Variants in AK8 observed in about 807,000 individuals in gnomAD.
The protein encoded by AK8 is adenylate kinase 8.
A neutral mutation model predicts 54.6 loss-of-function variants in AK8; 44 were observed. The ratio of observed to expected loss-of-function variants is 0.81; its 90% confidence interval spans 0.63 to 1.04. The LOEUF is 1.04. Ranked by LOEUF, AK8 falls within the 50% of genes least tolerant of loss-of-function variation. The pLI is 0.00. For missense variants in AK8, 555 were observed against 613.6 expected (o/e 0.90, Z 1.01); for synonymous variants, 239 against 245.6 (o/e 0.97, Z 0.25).
intron 10 of AK8, among the ~76,000 whole-genome samples, chr9:132,801,783 T>C (rs549361044): frequency 6.6e-6 from 1 of 152,358 alleles, no homozygotes; most frequent in South Asian, 2.1e-4. Context: ...AATACAAATA[T>C]TAATTCATGT....
intron 5 of AK8, among the ~76,000 whole-genome samples, chr9:132,831,262 T>C (rs941398964): frequency 6.6e-6 from 1 of 152,324 alleles, no homozygotes; most frequent in African/African-American, 2.4e-5. Context: ...AAATAGAAAT[T>C]CCACTGGGAT....
intron 10 of AK8, among the ~76,000 whole-genome samples, chr9:132,796,847 A>G (rs1321586955): frequency 6.6e-6 from 1 of 150,444 alleles, no homozygotes; most frequent in Non-Finnish European, 1.5e-5. Flanking sequence ...CCGCCACTTC[A>G]CGCTCCATGA....
At chr9:132,814,785 G>GA in intron 9 of AK8, 58 bp from the exon 10 acceptor site, 1 of 1,434,240 alleles carries the variant, frequency 7.0e-7, no homozygotes, top group African/African-American at 1.5e-5. Flanking sequence ...GGAAGGATGA[G>GA]AAAAAAAGAA....
intron 11 of AK8, among the ~76,000 whole-genome samples, chr9:132,739,533 T>C (rs1475813203): frequency 6.6e-6 from 1 of 151,122 alleles, no homozygotes; most frequent in Non-Finnish European, 1.5e-5. Flanking sequence ...TAAAAAACTT[T>C]TTACAACATA....
At chr9:132,855,366 T>C (rs533236814) in intron 4 of AK8, among the ~76,000 whole-genome samples, 120 of 152,186 alleles carry the variant, frequency 7.9e-4, no homozygotes, top group African/African-American at 2.9e-3. Context: ...CCCCAGGAAG[T>C]TGTAAAGCTC....
chr9:132,759,480 C>T (rs985129452), intron 11 of AK8, among the ~76,000 whole-genome samples: 16 of 152,092 alleles, frequency 1.1e-4, no homozygotes, highest in Admixed American at 6.6e-4. Context: ...TTGTTGTTTA[C>T]GCTCTTTGGG....
chr9:132,846,411 G>C (rs1158070708), intron 5 of AK8, among the ~76,000 whole-genome samples: 2 of 152,192 alleles, frequency 1.3e-5, no homozygotes, highest in Admixed American at 6.5e-5. Context: ...TCCATGACTA[G>C]AACTTCTGTT....
At chr9:132,777,872 C>A (rs1839291603) in intron 11 of AK8, among the ~76,000 whole-genome samples, 1 of 152,228 alleles carries the variant, frequency 6.6e-6, no homozygotes, top group East Asian at 1.9e-4. Flanking sequence ...CCAACACACG[C>A]CCCACTTTCT....
chr9:132,870,104 A>G (rs1380856554), intron 2 of AK8, among the ~76,000 whole-genome samples: 1 of 152,168 alleles, frequency 6.6e-6, no homozygotes, highest in Non-Finnish European at 1.5e-5. Context: ...CCACGCATTC[A>G]TCTGAGAGTT....
rs1839456349 is a variant in AK8, at chr9:132,781,232, T to C, written c.1121+11402A>G. Among the ~76,000 whole-genome samples the C allele has an allele frequency of 6.6e-6, 1 of 152,218 alleles. No homozygotes were observed. Among genetic ancestry groups the C allele is most frequent in the Non-Finnish European group, 1.5e-5 (1 of 68,038 alleles). On this transcript the variant is annotated intron_variant, in intron 11 of 12. Coordinates refer to ENST00000298545, the MANE Select transcript of AK8 (RefSeq NM_152572.3). The surrounding 1 kb of genome is among the most constrained non-coding windows in gnomAD (Gnocchi z 4.6). ...AAACTTTATAGCCCATTTTATTTGT[T>C]CTGAAATAACTTTTTTTCCTTCTTT...
At chr9:132,846,508 A>G (rs1371990078) in intron 5 of AK8, among the ~76,000 whole-genome samples, 1 of 226 alleles carries the variant, frequency 4.4e-3, no homozygotes, top group Non-Finnish European at 7.2e-3. Context: ...AGAATAGATG[A>G]ATGAATGAAT....
At chr9:132,754,800 G>T (rs11243902) in intron 11 of AK8, among the ~76,000 whole-genome samples, 32,351 of 139,254 alleles carry the variant, frequency 0.23, 4,278 homozygotes, top group African/African-American at 0.38. Flanking sequence ...TTGTTTTTTG[G>T]TTTTTTTTTT....
chr9:132,784,327 T>A (rs1286177020), intron 11 of AK8, among the ~76,000 whole-genome samples: 1 of 152,162 alleles, frequency 6.6e-6, no homozygotes, highest in Non-Finnish European at 1.5e-5. Context: ...AAGACCAGCC[T>A]GGCCAACATG....
intron 10 of AK8, among the ~76,000 whole-genome samples, chr9:132,793,948 A>G (rs1304311516): frequency 6.6e-6 from 1 of 152,146 alleles, no homozygotes; most frequent in East Asian, 1.9e-4. Flanking sequence ...GCGGGCCTGA[A>G]GCACACATTT....
chr9:132,749,960 C>CGAGATACTGACAGCACACTCTTG (rs1837828580), intron 11 of AK8, among the ~76,000 whole-genome samples: 2 of 146,988 alleles, frequency 1.4e-5, no homozygotes, highest in African/African-American at 5.1e-5. Context: ...TTCCTTACCT[C>CGAGATACTGACAGCACACTCTTG]GAGATACTGA....
In AK8 at chr9:132,727,518, C is replaced by T; in HGVS notation, c.1138G>A (p.Val380Met). ...CGCTCCATGATGGAATCAAATGGCACATTCAGGAAAAACACCCTATAAGGA... is the reference window on the plus strand; with the variant it reads ...CGCTCCATGATGGAATCAAATGGCATATTCAGGAAAAACACCCTATAAGGA... ...YNPNRVFFLN[V>M]PFDSIMERLT... Residue 380 changes from valine (V) to methionine (M), a missense_variant, in exon 12 of 13, where the codon GTG becomes ATG. By Grantham distance (21) the Val-to-Met change is conservative. Coordinates refer to ENST00000298545, the MANE Select transcript of AK8 (RefSeq NM_152572.3). 1 of 1,613,972 alleles carries T rather than the reference C, an allele frequency of 6.2e-7. No homozygotes were observed. The highest frequency in any genetic ancestry group is 2.2e-5 in the East Asian group (1 of 44,868).
At chr9:132,859,381 C>A (rs938735922) in intron 4 of AK8, among the ~76,000 whole-genome samples, 15 of 151,962 alleles carry the variant, frequency 9.9e-5, no homozygotes, top group African/African-American at 3.6e-4. Context: ...GGACTACAGG[C>A]GCCCCCCACC....
intron 5 of AK8, among the ~76,000 whole-genome samples, chr9:132,832,801 G>A (rs1842161006): frequency 6.6e-6 from 1 of 152,182 alleles, no homozygotes; most frequent in South Asian, 2.1e-4. Flanking sequence ...GAAAAGTGCA[G>A]CAAAATGAGG....
chr9:132,857,521 C>T (rs1033868336), intron 4 of AK8, among the ~76,000 whole-genome samples: 17 of 152,254 alleles, frequency 1.1e-4, no homozygotes, highest in South Asian at 4.1e-4. Flanking sequence ...ATCCCCCCTC[C>T]GTCTCATCCT....
Sources: allele counts gnomAD v4.1 joint callset (sites outside exome capture counted in the v4.1 genomes callset), GRCh38; gene constraint gnomAD v4.1.1; non-coding constraint Gnocchi (gnomAD v3.1); transcripts MANE v1.5; gene names NCBI Gene and HGNC (gene_info 2026-07-23, HGNC 2026-07-21).